ASAP2: variants seen among roughly 807,000 people sequenced by gnomAD.
ASAP2 encodes the protein arf-GAP with SH3 domain, ANK repeat and PH domain-containing protein 2.
A neutral mutation model predicts 131.4 loss-of-function variants in ASAP2; 45 were observed. The ratio of observed to expected loss-of-function variants is 0.34; its 90% CI spans 0.27 to 0.44. The LOEUF (loss-of-function observed/expected upper bound fraction) is 0.44. Ranked by LOEUF, ASAP2 falls within the 20% of genes least tolerant of loss-of-function variation. ASAP2 has a pLI of 1.00. For missense variants in ASAP2, 1,011 were observed against 1,297.0 expected, an observed-to-expected ratio of 0.78 and a Z score of 3.39; for synonymous variants, 510 against 503.0, an observed-to-expected ratio of 1.01 and a Z score of -0.19.
At chr2:9,259,654 C>A (rs546101663) in intron 1 of ASAP2, among the ~76,000 whole-genome samples, 128 of 152,370 alleles carry the variant, frequency 8.4e-4, no homozygotes, top group African/African-American at 3.0e-3. Flanking sequence ...AGGCCCCCTG[C>A]CCCGAGGCTG....
intron 1 of ASAP2, among the ~76,000 whole-genome samples, chr2:9,209,461 T>G (rs1661376283): frequency 6.6e-6 from 1 of 152,224 alleles, no homozygotes; most frequent in Non-Finnish European, 1.5e-5. Context: ...AGACGAAACA[T>G]GAGAGGGTAT....
At chr2:9,305,179 A>G (rs1668794037) in intron 3 of ASAP2, among the ~76,000 whole-genome samples, 1 of 150,224 alleles carries the variant, frequency 6.7e-6, no homozygotes, top group Non-Finnish European at 1.5e-5. Flanking sequence ...GTAGTGAGGT[A>G]TAGATATTGG....
At chr2:9,210,816 C>T (rs1442405043) in intron 1 of ASAP2, among the ~76,000 whole-genome samples, 1 of 151,836 alleles carries the variant, frequency 6.6e-6, no homozygotes, top group African/African-American at 2.4e-5. Flanking sequence ...CCGCCTTGGC[C>T]TCCCAAAGTG....
At chr2:9,254,894 A>G (rs1665051684) in intron 1 of ASAP2, among the ~76,000 whole-genome samples, 1 of 152,172 alleles carries the variant, frequency 6.6e-6, no homozygotes, top group African/African-American at 2.4e-5. Flanking sequence ...ATTTGACTAC[A>G]AGTCTTTGTG....
At chr2:9,334,927 G>A (rs1671099848) in intron 8 of ASAP2, 114 bp downstream of exon 8, 1 of 1,380,482 alleles carries the variant, frequency 7.2e-7, no homozygotes, top group Non-Finnish European at 1.0e-6. Context: ...CCCACGTGGA[G>A]TGTGGCGTTC....
intron 1 of ASAP2, among the ~76,000 whole-genome samples, chr2:9,273,194 A>G (rs879306922): frequency 9.9e-5 from 15 of 151,788 alleles, no homozygotes; most frequent in Admixed American, 1.3e-4. Flanking sequence ...GAATATCTTC[A>G]TTTTTTTTGG....
In ASAP2 at chr2:9,211,022, G is replaced by A. The variant is rs1661504719; in HGVS notation, c.126+3792G>A. ...AATACAAAATTAGCTGGGTGTGGTG[G>A]CGCATGCCTGTAATCCCAGCTACTT... is the stretch of plus-strand genomic sequence containing the variant. On this transcript the variant is annotated intron_variant, in intron 1 of 27. Coordinates refer to ENST00000281419, the MANE Select transcript of ASAP2 (RefSeq NM_003887.3). Among the ~76,000 whole-genome samples, 3 of 152,154 alleles carry A rather than the reference G, an allele frequency of 2.0e-5. No individual in the cohort carries two copies. In the South Asian group the frequency reaches 6.2e-4, roughly 32 times the overall value.
intron 20 of ASAP2, among the ~76,000 whole-genome samples, chr2:9,382,414 G>A (rs1487043227): frequency 6.6e-6 from 1 of 152,190 alleles, no homozygotes; most frequent in Non-Finnish European, 1.5e-5. Flanking sequence ...CTGGTTATGG[G>A]GGAAATTAAG....
intron 1 of ASAP2, among the ~76,000 whole-genome samples, chr2:9,245,565 A>G (rs1664281190): frequency 6.6e-6 from 1 of 152,208 alleles, no homozygotes; most frequent in African/African-American, 2.4e-5. Context: ...GAATATCACT[A>G]TACATCTTCC....
chr2:9,396,448 T>A (rs953174435), intron 24 of ASAP2, among the ~76,000 whole-genome samples: 1 of 152,000 alleles, frequency 6.6e-6, no homozygotes, highest in African/African-American at 2.4e-5. Flanking sequence ...TAATTTATTT[T>A]TATATTTTGT....
At chr2:9,274,288 A>T (rs1666603618) in intron 1 of ASAP2, among the ~76,000 whole-genome samples, 1 of 142,234 alleles carries the variant, frequency 7.0e-6, no homozygotes. Flanking sequence ...TTTTATATAT[A>T]GTTGGCATAA....
chr2:9,333,052 G>T (rs773377377), intron 7 of ASAP2, among the ~76,000 whole-genome samples: 1 of 152,226 alleles, frequency 6.6e-6, no homozygotes, highest in Non-Finnish European at 1.5e-5. Flanking sequence ...TAAAGGCCAC[G>T]CTGCAGTGTT....
At chr2:9,318,078 C>G (rs1020583735) in intron 3 of ASAP2, among the ~76,000 whole-genome samples, 2 of 152,202 alleles carry the variant, frequency 1.3e-5, no homozygotes, top group African/African-American at 4.8e-5. Context: ...CTTTGTTTCC[C>G]CTGCTTGGAG....
intron 3 of ASAP2, among the ~76,000 whole-genome samples, chr2:9,301,009 C>T (rs1451714710): frequency 1.3e-5 from 2 of 152,256 alleles, no homozygotes; most frequent in Non-Finnish European, 2.9e-5. Context: ...GGCCCAGTGG[C>T]GGCTCCTGCA....
At chr2:9,356,599 A>G (rs1277882582) in intron 14 of ASAP2, among the ~76,000 whole-genome samples, 1 of 152,164 alleles carries the variant, frequency 6.6e-6, no homozygotes, top group Non-Finnish European at 1.5e-5. Context: ...GCAAAGTTTG[A>G]AATGCTTTTT....
chr2:9,391,516 C>T (rs1675717044), intron 23 of ASAP2, among the ~76,000 whole-genome samples: 1 of 151,672 alleles, frequency 6.6e-6, no homozygotes, highest in Non-Finnish European at 1.5e-5. Flanking sequence ...TGGTGATTTT[C>T]AATATTTTGG....
chr2:9,249,745 C>T (rs1278147280), intron 1 of ASAP2, among the ~76,000 whole-genome samples: 1 of 149,162 alleles, frequency 6.7e-6, no homozygotes, highest in Non-Finnish European at 1.5e-5. Flanking sequence ...CCCGGGCTGG[C>T]GGGGGAGCTG....
intron 17 of ASAP2, 120 bp from the exon 18 acceptor site, chr2:9,376,788 A>G: frequency 1.2e-6 from 1 of 861,622 alleles, no homozygotes; most frequent in Non-Finnish European, 1.9e-6. Flanking sequence ...TGTAAGAGAT[A>G]AGTTTCTCGA....
chr2:9,282,399 G>A (rs1667184336), intron 2 of ASAP2, among the ~76,000 whole-genome samples: 1 of 152,216 alleles, frequency 6.6e-6, no homozygotes, highest in African/African-American at 2.4e-5. Flanking sequence ...TCATGTTGAT[G>A]ACATCATTCA....
Sources: allele counts gnomAD v4.1 joint callset (sites outside exome capture counted in the v4.1 genomes callset), GRCh38; gene constraint gnomAD v4.1.1; transcripts MANE v1.5; gene names NCBI Gene and HGNC (gene_info 2026-07-23, HGNC 2026-07-21).